COL23A1: variants seen among roughly 807,000 people sequenced by gnomAD.
COL23A1 encodes collagen type XXIII alpha 1 chain.
COL23A1 carries 97 observed loss-of-function variants against 99.3 expected under a neutral mutation model. The ratio of observed to expected loss-of-function variants is 0.98; its 90% CI spans 0.83 to 1.16. The LOEUF (loss-of-function observed/expected upper bound fraction) is 1.16, where lower values mean the gene tolerates loss of function less well. Ranked by LOEUF, COL23A1 falls within the 50% of genes most tolerant of loss-of-function variation. The probability of loss-of-function intolerance (pLI) is 0.00; values close to 1 mark genes in which losing one functional copy is unlikely to be tolerated. For missense variants in COL23A1, 762 were observed against 757.4 expected (o/e 1.01, Z -0.07); for synonymous variants, 320 against 308.2 (o/e 1.04, Z -0.40).
intron 2 of COL23A1, among the ~76,000 whole-genome samples, chr5:178,517,339 C>T (rs1759576962): frequency 6.6e-6 from 1 of 152,086 alleles, no homozygotes; most frequent in Admixed American, 6.6e-5. Context: ...ACCAAAGGCA[C>T]AGTGGAAGGG....
At chr5:178,526,754 A>G (rs1760333015) in intron 2 of COL23A1, among the ~76,000 whole-genome samples, 1 of 152,168 alleles carries the variant, frequency 6.6e-6, no homozygotes, top group Non-Finnish European at 1.5e-5. Context: ...ATGTGGATTC[A>G]AACTCAGACT....
rs377136256 is a variant in COL23A1, at chr5:178,334,993, G to A, written c.362-28074C>T. ...AGCACGTTCCGACATTCTGTTCAAG[G>A]CACGAAGGGTTTCCTCCATAGGTGG... On this transcript the variant is annotated intron_variant, in intron 2 of 28. Transcript: ENST00000390654. 3.9e-5 allele frequency among the ~76,000 whole-genome samples: 6 copies of A among 152,312 alleles called. No homozygotes were observed. In the East Asian group the frequency reaches 9.7e-4, roughly 25 times the overall value.
At chr5:178,508,425 T>C (rs1758999456) in intron 2 of COL23A1, among the ~76,000 whole-genome samples, 1 of 152,320 alleles carries the variant, frequency 6.6e-6, no homozygotes, top group South Asian at 2.1e-4. Context: ...AGTTGTTCAT[T>C]GAAACTTAGA....
At chr5:178,402,440 T>C (rs1581315977) in intron 2 of COL23A1, among the ~76,000 whole-genome samples, 1 of 151,706 alleles carries the variant, frequency 6.6e-6, no homozygotes, top group African/African-American at 2.4e-5. Flanking sequence ...TGAGGAGAGG[T>C]TGATTAATGG....
intron 2 of COL23A1, among the ~76,000 whole-genome samples, chr5:178,487,886 C>T (rs1757720756): frequency 6.6e-6 from 1 of 152,238 alleles, no homozygotes; most frequent in African/African-American, 2.4e-5. Context: ...CATCAGCTTT[C>T]TCTAATTTGG....
rs1302662655 is a variant in COL23A1 at position 178,384,672 on chromosome 5, G to A, written c.362-77753C>T. Among the ~76,000 whole-genome samples, 1 of 152,186 alleles carries A rather than the reference G, an allele frequency of 6.6e-6. No homozygotes were observed. The highest frequency in any genetic ancestry group is 1.5e-5 in the Non-Finnish European group (1 of 68,020). ...CGGGACTTGGACTCAGATGCGTCCA[G>A]TTTCAGAGCCAGAAGCCTCCTGGGG... On this transcript the variant is annotated intron_variant, in intron 2 of 28. Transcript: ENST00000390654. The surrounding 1 kb of genome is among the most constrained non-coding windows in gnomAD (Gnocchi z 5.5).
At chr5:178,451,644 G>A (rs1320330193) in intron 2 of COL23A1, among the ~76,000 whole-genome samples, 3 of 91,064 alleles carry the variant, frequency 3.3e-5, no homozygotes, top group Non-Finnish European at 5.7e-5. Flanking sequence ...GCGACAGAGC[G>A]AAACTCCATC....
chr5:178,495,956 GA>G (rs890096494), intron 2 of COL23A1, among the ~76,000 whole-genome samples: 1 of 152,200 alleles, frequency 6.6e-6, no homozygotes, highest in African/African-American at 2.4e-5. Context: ...TAACTTTGCT[GA>G]AATAAGTAAG....
At chr5:178,465,718 T>A (rs1561995608) in intron 2 of COL23A1, among the ~76,000 whole-genome samples, 1 of 151,934 alleles carries the variant, frequency 6.6e-6, no homozygotes, top group Non-Finnish European at 1.5e-5. Flanking sequence ...CCCCGCGGGG[T>A]GGCGGTCACG....
intron 2 of COL23A1, among the ~76,000 whole-genome samples, chr5:178,536,736 C>G (rs1171075933): frequency 1.3e-5 from 2 of 152,170 alleles, no homozygotes; most frequent in Non-Finnish European, 2.9e-5. Context: ...CGATGATGAC[C>G]CTACAGAGGC....
At chr5:178,423,198 T>G (rs1023579317) in intron 2 of COL23A1, among the ~76,000 whole-genome samples, 1 of 152,150 alleles carries the variant, frequency 6.6e-6, no homozygotes, top group African/African-American at 2.4e-5. Context: ...TTGCCCAGGC[T>G]GGACTTGAGC....
intron 2 of COL23A1, among the ~76,000 whole-genome samples, chr5:178,385,054 C>A (rs1334609384): frequency 3.3e-5 from 5 of 152,198 alleles, no homozygotes; most frequent in Non-Finnish European, 7.3e-5. Context: ...TCTTCTGTGG[C>A]AGCCCCTGGT....
chr5:178,492,333 C>T (rs148339180), intron 2 of COL23A1, among the ~76,000 whole-genome samples: 74 of 152,184 alleles, frequency 4.9e-4, no homozygotes, highest in African/African-American at 3.1e-4. Flanking sequence ...CCTACCCCAA[C>T]GGGACCAGTG....
chr5:178,249,716 A>ACACACT lies in COL23A1; in HGVS notation c.1059+344_1059+345insAGTGTG. ...CACACACACACACACACACACACAC[A>ACACACT]CTCTCTCTCTCTCTCTCTCTCTCTC... On this transcript the variant is annotated intron_variant, in intron 18 of 28. Transcript: ENST00000390654. Among the ~76,000 whole-genome samples, 62 of 92,804 alleles carry ACACACT rather than the reference A, an allele frequency of 6.7e-4. 1 individual carries two copies. The highest frequency in any genetic ancestry group is 2.1e-3 in the African/African-American group (50 of 23,480). The allele number at this position is 92,804 out of a possible 152,430, so 60.9% of individuals were successfully genotyped here. A position where few individuals can be genotyped will look rare whatever the true frequency, so the allele number is the denominator to read the frequency against.
At chr5:178,585,404 G>GACGC (rs148855510) in intron 1 of COL23A1, among the ~76,000 whole-genome samples, 2 of 139,536 alleles carry the variant, frequency 1.4e-5, no homozygotes, top group East Asian at 4.5e-4. Context: ...CCTGACTGAT[G>GACGC]TGTGGGTAAC....
In COL23A1 at chr5:178,268,754, T is replaced by G; in HGVS notation, c.471A>C (p.Gly157=). Residue 157 remains glycine, a splice_region_variant and synonymous_variant, in exon 7 of 29, where the codon GGA becomes GGC. Coordinates refer to ENST00000390654, the MANE Select transcript of COL23A1 (RefSeq NM_173465.4). The stretch of plus-strand genomic sequence containing the variant: ...CCTTTTCCCCTTTCGGGCCTGGAAG[T>G]CCCTGGAAAAGGAAAGTGGAGAAAG... ...PGPLGLDGKP[G]LPGPKGEKGA... 1 of 1,603,246 alleles carries G rather than the reference T, an allele frequency of 6.2e-7. No homozygotes were observed. Among genetic ancestry groups the G allele is most frequent in the Admixed American group, 1.7e-5 (1 of 59,172 alleles).
chr5:178,398,541 T>C (rs1345645333), intron 2 of COL23A1, among the ~76,000 whole-genome samples: 2 of 151,932 alleles, frequency 1.3e-5, no homozygotes, highest in African/African-American at 4.8e-5. Context: ...GTGGGAGGAT[T>C]GCTTGAACCT....
intron 2 of COL23A1, among the ~76,000 whole-genome samples, chr5:178,541,657 A>G (rs1340303121): frequency 6.6e-6 from 1 of 152,200 alleles, no homozygotes; most frequent in Non-Finnish European, 1.5e-5. Flanking sequence ...TACACAACAG[A>G]AATGCATACG....
At chr5:178,325,450 G>A (rs532755949) in intron 2 of COL23A1, among the ~76,000 whole-genome samples, 1 of 151,344 alleles carries the variant, frequency 6.6e-6, no homozygotes, top group South Asian at 2.1e-4. Context: ...TACACCCCCT[G>A]AGCTGTGCTA....
Sources: gnomAD v4.1 joint callset for allele counts (sites outside exome capture counted in the v4.1 genomes callset) on GRCh38, gnomAD v4.1.1 for gene constraint, Gnocchi (gnomAD v3.1) non-coding constraint, MANE v1.5 for transcripts, NCBI Gene and HGNC (gene_info 2026-07-23, HGNC 2026-07-21) for gene names.